The following MAPK10 variants were observed in gnomAD, a reference collection of about 807,000 sequenced individuals.
MAPK10 encodes JNK3 alpha protein kinase.
In MAPK10, 25 loss-of-function variants were observed where a neutral mutation model predicts 59.3. That is an observed-to-expected ratio of 0.42 (90% CI 0.31 to 0.59). The LOEUF is 0.59. MAPK10 is among the 20% of genes least tolerant of loss of function. The probability of loss-of-function intolerance (pLI) is 0.15; values close to 1 mark genes in which losing one functional copy is unlikely to be tolerated. For missense variants in MAPK10, 351 were observed against 568.9 expected (o/e 0.62, Z 3.90); for synonymous variants, 190 against 200.5 (o/e 0.95, Z 0.44).
intron 13 of MAPK10, 86 bp downstream of exon 13, chr4:86,029,111 T>G: frequency 1.2e-6 from 1 of 836,302 alleles, no homozygotes; most frequent in Non-Finnish European, 2.1e-6. Context: ...CTTTAAGCAA[T>G]GTTATGTTAT....
chr4:86,230,012 G>A (rs2091307128), intron 2 of MAPK10, among the ~76,000 whole-genome samples: 2 of 152,308 alleles, frequency 1.3e-5, no homozygotes, highest in South Asian at 4.1e-4. Context: ...TGTGAGCCAT[G>A]TTTGCACCAC....
intron 2 of MAPK10, among the ~76,000 whole-genome samples, chr4:86,228,400 C>T (rs17011533): frequency 0.084 from 12,782 of 152,210 alleles, 1,185 homozygotes; most frequent in African/African-American, 0.23. Context: ...CAGTAAATGT[C>T]GTGTATCACA....
rs148426498 is a variant in MAPK10, at chr4:86,034,245, G to A, written c.1111-2814C>T. Among the ~76,000 whole-genome samples the A allele has an allele frequency of 4.8e-3, 724 of 152,292 alleles. 4 individuals carry two copies. Among genetic ancestry groups the A allele is most frequent in the African/African-American group, 0.016 (683 of 41,568 alleles). Reference sequence around the variant, plus strand: ...CCTTTGAATATTTTTTCAAAAGACTGTAAACTTCTTTCATATTATTTTGGA... The same window carrying A: ...CCTTTGAATATTTTTTCAAAAGACTATAAACTTCTTTCATATTATTTTGGA... On this transcript the variant is annotated intron_variant, in intron 11 of 13. Coordinates refer to ENST00000641462, the MANE Select transcript of MAPK10 (RefSeq NM_138982.4).
chr4:86,334,234 T>A (rs1472760713), intron 2 of MAPK10, among the ~76,000 whole-genome samples: 1 of 152,124 alleles, frequency 6.6e-6, no homozygotes, highest in Non-Finnish European at 1.5e-5. Context: ...GTCATTCCCC[T>A]CATCTTCCAA....
chr4:86,505,381 C>A (rs1755666168), intron 1 of MAPK10, among the ~76,000 whole-genome samples: 1 of 152,004 alleles, frequency 6.6e-6, no homozygotes, highest in Non-Finnish European at 1.5e-5. Flanking sequence ...GAGGCCAAGG[C>A]AGGAGGATTG....
At chr4:86,078,466 C>T (rs1382430461) in intron 9 of MAPK10, among the ~76,000 whole-genome samples, 1 of 152,026 alleles carries the variant, frequency 6.6e-6, no homozygotes, top group Non-Finnish European at 1.5e-5. Context: ...TGTGGGAGAA[C>T]TGAAATTGTA....
intron 4 of MAPK10, among the ~76,000 whole-genome samples, chr4:86,131,167 T>G (rs2060935841): frequency 1.3e-5 from 2 of 152,182 alleles, no homozygotes; most frequent in Admixed American, 1.3e-4. Context: ...ATCAAATGTT[T>G]CACTTTTTCT....
intron 13 of MAPK10, among the ~76,000 whole-genome samples, chr4:86,018,615 T>C (rs1744591200): frequency 6.6e-6 from 1 of 152,208 alleles, no homozygotes; most frequent in Non-Finnish European, 1.5e-5. Context: ...CCAAAGGCAT[T>C]GTGCGATACA....
chr4:86,274,558 G>C (rs1257032558), intron 2 of MAPK10, among the ~76,000 whole-genome samples: 1 of 151,322 alleles, frequency 6.6e-6, no homozygotes, highest in Non-Finnish European at 1.5e-5. Context: ...CTTTTCTCTT[G>C]ACGGGACTTT....
chr4:86,571,719 G>C (rs1167415155), intron 1 of MAPK10, among the ~76,000 whole-genome samples: 2 of 152,120 alleles, frequency 1.3e-5, no homozygotes, highest in Non-Finnish European at 2.9e-5. Flanking sequence ...GGCTGCCAAA[G>C]ATACGGTTGG....
chr4:86,577,101 T>C lies in MAPK10; in HGVS notation c.-263+16809A>G, dbSNP rs573276734. Among the ~76,000 whole-genome samples the C allele has an allele frequency of 2.3e-4, 35 of 152,172 alleles. No homozygotes were observed. The East Asian group carries it at 2.5e-3, about 11-fold the overall frequency. On this transcript the variant is annotated intron_variant, in intron 1 of 4. Coordinates refer to the MAPK10 transcript ENST00000502302. ...GGAGGGTTGTCTTTGAGCCCAGAGTTTGAGACAAGCTGAGCAATGTAGTGA... is the reference window on the plus strand; with the variant it reads ...GGAGGGTTGTCTTTGAGCCCAGAGTCTGAGACAAGCTGAGCAATGTAGTGA...
At chr4:86,283,662 G>C (rs1277769369) in intron 2 of MAPK10, among the ~76,000 whole-genome samples, 1 of 152,178 alleles carries the variant, frequency 6.6e-6, no homozygotes, top group Admixed American at 6.5e-5. Context: ...CTGACAAAAG[G>C]GAGTGTTCAT....
chr4:86,074,169 G>C (rs1192402171), intron 9 of MAPK10, among the ~76,000 whole-genome samples: 2 of 116,810 alleles, frequency 1.7e-5, no homozygotes, highest in East Asian at 2.2e-4. Context: ...TGTCTCTTTT[G>C]ATCTTTGTTG....
intron 2 of MAPK10, among the ~76,000 whole-genome samples, chr4:86,331,797 G>T (rs2096161212): frequency 6.6e-6 from 1 of 152,152 alleles, no homozygotes; most frequent in Non-Finnish European, 1.5e-5. Flanking sequence ...TGAACCTCAT[G>T]AAATATGCTT....
chr4:86,482,567 C>T (rs1753689638), intron 1 of MAPK10, among the ~76,000 whole-genome samples: 1 of 152,066 alleles, frequency 6.6e-6, no homozygotes, highest in Admixed American at 6.6e-5. Flanking sequence ...AAAAATATGC[C>T]TTGTTCCAAC....
At chr4:86,060,667 A>C (rs1250764525) in intron 11 of MAPK10, among the ~76,000 whole-genome samples, 1 of 152,104 alleles carries the variant, frequency 6.6e-6, no homozygotes, top group Non-Finnish European at 1.5e-5. Context: ...AGTTCCCCCC[A>C]AAATCCCAAA....
intron 1 of MAPK10, among the ~76,000 whole-genome samples, chr4:86,585,656 C>A (rs1322100036): frequency 6.6e-6 from 1 of 152,212 alleles, no homozygotes; most frequent in African/African-American, 2.4e-5. Context: ...TCATCCTAAT[C>A]GTTTCAGCTC....
intron 3 of MAPK10, among the ~76,000 whole-genome samples, chr4:86,186,011 A>C (rs1324619575): frequency 6.6e-6 from 1 of 152,118 alleles, no homozygotes; most frequent in Non-Finnish European, 1.5e-5. Context: ...CATGATAATG[A>C]TAATATTTAA....
intron 2 of MAPK10, among the ~76,000 whole-genome samples, chr4:86,214,267 C>A (rs1296437553): frequency 6.6e-6 from 1 of 151,802 alleles, no homozygotes; most frequent in Non-Finnish European, 1.5e-5. Flanking sequence ...AAAAACTCAT[C>A]GTGAACATCA....
Sources: gnomAD v4.1 joint callset for allele counts (sites outside exome capture counted in the v4.1 genomes callset) on GRCh38, gnomAD v4.1.1 for gene constraint, MANE v1.5 for transcripts, NCBI Gene and HGNC (gene_info 2026-07-23, HGNC 2026-07-21) for gene names.